Variants in OR4C13 observed in about 807,000 individuals in gnomAD.
OR4C13 encodes the protein olfactory receptor 4C13.
In OR4C13, 23 loss-of-function variants were observed where a neutral mutation model predicts 14.7. The ratio of observed to expected loss-of-function variants is 1.57; its 90% CI spans 1.13 to 2.22. The LOEUF is 2.22. OR4C13 is among the 30% of genes most tolerant of loss of function. The pLI is 0.00. For synonymous variants in OR4C13, 178 were observed against 135.5 expected, an observed-to-expected ratio of 1.31 and a Z score of -2.18; for missense variants, 504 against 368.6, an observed-to-expected ratio of 1.37 and a Z score of -3.01.
chr11:49,952,656 G>A lies in OR4C13; in HGVS notation c.234G>A (p.Lys78=), dbSNP rs1475893973. The change falls in exon 1 of 1, where the codon AAG becomes AAA. Residue 78 remains lysine (K), a synonymous_variant. Transcript: ENST00000555099. ...DACYSSVNTP[K]LITDSLYENK... ...GCTATTCCTCTGTCAATACCCCTAA[G>A]CTGATCACAGATTCACTCTATGAAA... is the stretch of plus-strand genomic sequence containing the variant. 5 of 1,613,710 alleles carry A rather than the reference G, an allele frequency of 3.1e-6. No individual in the cohort carries two copies. Among genetic ancestry groups the A allele is most frequent in the South Asian group, 1.1e-5 (1 of 91,066 alleles).
In OR4C13 at chr11:49,952,916, C is replaced by A. The variant is rs571287901; in HGVS notation, c.494C>A (p.Pro165His). 6.2e-7 allele frequency: 1 copy of A among 1,613,822 alleles called. No homozygotes were observed. Among genetic ancestry groups the A allele is most frequent in the African/African-American group, 1.3e-5 (1 of 74,874 alleles). ...TIQILFICQLPFCGPNVIDHF... is the reference protein window; with the variant it reads ...TIQILFICQLHFCGPNVIDHF... ...CAGATCCTCTTCATCTGTCAATTAC[C>A]TTTCTGTGGTCCTAATGTCATAGAT... is the stretch of plus-strand genomic sequence containing the variant. Residue 165 changes from proline to histidine, a missense_variant, in exon 1 of 1, where the codon CCT becomes CAT. Coordinates refer to ENST00000555099, the MANE Select transcript of OR4C13 (RefSeq NM_001001955.2).
Position 49,952,432 on chromosome 11 carries a change from A to G in OR4C13, c.10A>G (p.Arg4Gly), listed in dbSNP as rs1555015639. MAN[R>G]NNVTEFILLG... The stretch of plus-strand genomic sequence containing the variant: ...CCATCATTTGAAATACATGGCGAAT[A>G]GAAACAATGTGACAGAGTTTATTCT... The change falls in exon 1 of 1, where the codon AGA (arginine) becomes GGA (glycine). Residue 4 changes from arginine (R) to glycine (G), a missense_variant. Transcript: ENST00000555099. 6.3e-7 allele frequency: 1 copy of G among 1,598,736 alleles called. No homozygotes were observed. Among genetic ancestry groups the G allele is most frequent in the Non-Finnish European group, 8.6e-7 (1 of 1,167,826 alleles).
At position 49,952,393 on chromosome 11, in the gene OR4C13, G is replaced by A. The variant is rs1164962896; in HGVS notation, c.-30G>A. 1.4e-5 allele frequency: 19 copies of A among 1,397,298 alleles called. No homozygotes were observed. Among genetic ancestry groups the A allele is most frequent in the Non-Finnish European group, 1.9e-5 (19 of 998,356 alleles). 86.6% of individuals were successfully genotyped at this position (1,397,298 alleles called of 1,614,324 possible). A position where few individuals can be genotyped will look rare whatever the true frequency, so the allele number is the denominator to read the frequency against. Reference sequence around the variant, plus strand: ...ATTAATAAAAATTGTTTTCTTTTCAGGTAATGTAATTAACCATCATTTGAA... The same window carrying A: ...ATTAATAAAAATTGTTTTCTTTTCAAGTAATGTAATTAACCATCATTTGAA... On this transcript the variant is annotated 5_prime_UTR_variant, in exon 1 of 1. Transcript: ENST00000555099.
Position 49,953,372 on chromosome 11 carries a change from T to A in OR4C13, c.*20T>A, listed in dbSNP as rs192606387. 7.3e-4 allele frequency: 940 copies of A among 1,291,288 alleles called. 8 individuals carry two copies. The African/African-American group carries it at 0.013, about 17-fold the overall frequency. 80.0% of individuals were successfully genotyped at this position (1,291,288 alleles called of 1,614,324 possible). A position where few individuals can be genotyped will look rare whatever the true frequency, so the allele number is the denominator to read the frequency against. Reference sequence around the variant, plus strand: ...AAATAAATGTGACTGGAGCCCAACATGATTCAGCTGAGGCAAGGGTCAAAA... The same window carrying A: ...AAATAAATGTGACTGGAGCCCAACAAGATTCAGCTGAGGCAAGGGTCAAAA... On this transcript the variant is annotated 3_prime_UTR_variant, in exon 1 of 1. Transcript: ENST00000555099.
chr11:49,953,069 G>A lies in OR4C13; in HGVS notation c.647G>A (p.Cys216Tyr), dbSNP rs781948025. 20 of 1,613,766 alleles carry A rather than the reference G, an allele frequency of 1.2e-5. No homozygotes were observed. The highest frequency in any genetic ancestry group is 9.9e-5 in the South Asian group (9 of 91,064). ...LLNCLLLLVS[C>Y]VVILYSLKTH... ...AACTGTCTCTTGCTCCTGGTCTCCT[G>A]CGTGGTCATACTGTACTCCTTAAAG... The change falls in exon 1 of 1, where the codon TGC (cysteine) becomes TAC (tyrosine). Residue 216 changes from cysteine (C) to tyrosine (Y), a missense_variant. Physicochemically the swap from Cys to Tyr is radical, Grantham distance 194. Transcript: ENST00000555099.
rs541814125 is a variant in OR4C13, at chr11:49,952,650, C to G, written c.228C>G (p.Thr76=). Residue 76 remains threonine, a synonymous_variant, in exon 1 of 1, where the codon ACC becomes ACG. Coordinates refer to ENST00000555099, the MANE Select transcript of OR4C13 (RefSeq NM_001001955.2). ...FIDACYSSVN[T]PKLITDSLYE... Reference sequence around the variant, plus strand: ...ATGCCTGCTATTCCTCTGTCAATACCCCTAAGCTGATCACAGATTCACTCT... The same window carrying G: ...ATGCCTGCTATTCCTCTGTCAATACGCCTAAGCTGATCACAGATTCACTCT... 10 of 1,613,530 alleles carry G rather than the reference C, an allele frequency of 6.2e-6. No individual in the cohort carries two copies. In the South Asian group the frequency reaches 6.6e-5, roughly 11 times the overall value.
Position 49,952,418 on chromosome 11 carries a change from A to G in OR4C13, c.-5A>G. 3 of 1,577,890 alleles carry G rather than the reference A, an allele frequency of 1.9e-6. No individual in the cohort carries two copies. The East Asian group carries it at 6.7e-5, about 35-fold the overall frequency. On this transcript the variant is annotated 5_prime_UTR_variant, in exon 1 of 1. Transcript: ENST00000555099. ...GGTAATGTAATTAACCATCATTTGAAATACATGGCGAATAGAAACAATGTG... is the reference window on the plus strand; with the variant it reads ...GGTAATGTAATTAACCATCATTTGAGATACATGGCGAATAGAAACAATGTG...
At position 49,953,028 on chromosome 11, in the gene OR4C13, G is replaced by T; in HGVS notation, c.606G>T (p.Gly202=). The T allele has an allele frequency of 6.2e-7, 1 of 1,613,816 alleles. No individual in the cohort carries two copies. The highest frequency in any genetic ancestry group is 2.2e-5 in the East Asian group (1 of 44,866). ...TLGLFIAANS[G]FICLLNCLLL... ...GACTCTTCATTGCTGCCAACAGTGG[G>T]TTCATATGCCTGTTAAACTGTCTCT... is the stretch of plus-strand genomic sequence containing the variant. Residue 202 remains glycine, a synonymous_variant, in exon 1 of 1, where the codon GGG becomes GGT. Coordinates refer to ENST00000555099, the MANE Select transcript of OR4C13 (RefSeq NM_001001955.2).
Position 49,952,598 on chromosome 11 carries a change from T to A in OR4C13, c.176T>A (p.Phe59Tyr). The A allele has an allele frequency of 6.2e-7, 1 of 1,613,878 alleles. No homozygotes were observed. Among genetic ancestry groups the A allele is most frequent in the East Asian group, 2.2e-5 (1 of 44,878 alleles). Reference sequence around the variant, plus strand: ...CCATCACTGAGATCCCCCATGTACTTTTTCCTGGCCTATCTCTCCTTTATT... The same window carrying A: ...CCATCACTGAGATCCCCCATGTACTATTTCCTGGCCTATCTCTCCTTTATT... ...ASPSLRSPMY[F>Y]FLAYLSFIDA... The change falls in exon 1 of 1, where the codon TTT (phenylalanine) becomes TAT (tyrosine). Residue 59 changes from phenylalanine (F) to tyrosine (Y), a missense_variant. Coordinates refer to ENST00000555099, the MANE Select transcript of OR4C13 (RefSeq NM_001001955.2).
chr11:49,953,232 T>A lies in OR4C13; in HGVS notation c.810T>A (p.Ala270=). The change falls in exon 1 of 1, where the codon GCT becomes GCA. Residue 270 remains alanine (A), a synonymous_variant. Coordinates refer to ENST00000555099, the MANE Select transcript of OR4C13 (RefSeq NM_001001955.2). The stretch of plus-strand genomic sequence containing the variant: ...CTTTACCCATTGATAAAGCAGTTGC[T>A]GTATTCTACACTATGATAACTTCTA... ...PATLPIDKAV[A]VFYTMITSML... is the part of the protein sequence containing the mutation. 9 of 1,612,306 alleles carry A rather than the reference T, an allele frequency of 5.6e-6. No individual in the cohort carries two copies. The highest frequency in any genetic ancestry group is 1.3e-5 in the African/African-American group (1 of 75,006).
Position 49,952,548 on chromosome 11 carries a change from C to G in OR4C13, c.126C>G (p.Leu42=), listed in dbSNP as rs141959510. Residue 42 remains leucine, a synonymous_variant, in exon 1 of 1, where the codon CTC becomes CTG. Transcript: ENST00000555099. ...TCAACGCCATGATAGGAAATGTGCTCATTGTGGTCACCATCACTGCCAGCC... is the reference window on the plus strand; with the variant it reads ...TCAACGCCATGATAGGAAATGTGCTGATTGTGGTCACCATCACTGCCAGCC... The part of the protein sequence containing the change: ...IYINAMIGNV[L]IVVTITASPS... The G allele has an allele frequency of 2.2e-4, 351 of 1,613,660 alleles. No individual in the cohort carries two copies. Among genetic ancestry groups the G allele is most frequent in the Non-Finnish European group, 2.8e-4 (332 of 1,179,774 alleles).
chr11:49,952,590 C>A lies in OR4C13; in HGVS notation c.168C>A (p.Pro56=). Residue 56 remains proline (P), a synonymous_variant, in exon 1 of 1, where the codon CCC becomes CCA. Transcript: ENST00000555099. ...TITASPSLRS[P]MYFFLAYLSF... ...CTGCCAGCCCATCACTGAGATCCCC[C>A]ATGTACTTTTTCCTGGCCTATCTCT... 1 of 1,613,920 alleles carries A rather than the reference C, an allele frequency of 6.2e-7. No individual in the cohort carries two copies.
chr11:49,952,897 C>T lies in OR4C13; in HGVS notation c.475C>T (p.Leu159Phe). 6.2e-7 allele frequency: 1 copy of T among 1,612,098 alleles called. No homozygotes were observed. Among genetic ancestry groups the T allele is most frequent in the South Asian group, 1.1e-5 (1 of 91,028 alleles). ...CTTTCTTCATGCAACCATACAGATC[C>T]TCTTCATCTGTCAATTACCTTTCTG... ...GGFLHATIQI[L>F]FICQLPFCGP... is the part of the protein sequence containing the mutation. Residue 159 changes from leucine to phenylalanine, a missense_variant, in exon 1 of 1, where the codon CTC becomes TTC. Physicochemically the swap from Leu to Phe is conservative, Grantham distance 22. Coordinates refer to ENST00000555099, the MANE Select transcript of OR4C13 (RefSeq NM_001001955.2).
At position 49,952,536 on chromosome 11, in the gene OR4C13, A is replaced by G; in HGVS notation, c.114A>G (p.Ile38Met). 6.2e-7 allele frequency: 1 copy of G among 1,613,818 alleles called. No homozygotes were observed. Among genetic ancestry groups the G allele is most frequent in the Non-Finnish European group, 8.5e-7 (1 of 1,179,732 alleles). The change falls in exon 1 of 1, where the codon ATA (isoleucine) becomes ATG (methionine). Residue 38 changes from isoleucine (I) to methionine (M), a missense_variant. Ile to Met is a conservative substitution (Grantham distance 10). Transcript: ENST00000555099. ...VFSVIYINAM[I>M]GNVLIVVTIT... The stretch of plus-strand genomic sequence containing the variant: ...CTGTCATCTACATCAACGCCATGAT[A>G]GGAAATGTGCTCATTGTGGTCACCA...
chr11:49,953,273 T>A lies in OR4C13; in HGVS notation c.851T>A (p.Ile284Asn). The change falls in exon 1 of 1, where the codon ATC becomes AAC. Residue 284 changes from isoleucine to asparagine, a missense_variant. Coordinates refer to ENST00000555099, the MANE Select transcript of OR4C13 (RefSeq NM_001001955.2). Reference sequence around the variant, plus strand: ...ATAACTTCTATGTTAAACCCCTTAATCTACACCTTGAGGAATGCTCAAATG... The same window carrying A: ...ATAACTTCTATGTTAAACCCCTTAAACTACACCTTGAGGAATGCTCAAATG... Reference protein sequence around the residue: ...TMITSMLNPLIYTLRNAQMKN... With the variant: ...TMITSMLNPLNYTLRNAQMKN... The A allele has an allele frequency of 6.2e-7, 1 of 1,611,620 alleles. No homozygotes were observed. Among genetic ancestry groups the A allele is most frequent in the Non-Finnish European group, 8.5e-7 (1 of 1,179,372 alleles).
rs192606387 is a variant in OR4C13, at chr11:49,953,372, T to C, written c.*20T>C. On this transcript the variant is annotated 3_prime_UTR_variant, in exon 1 of 1. Coordinates refer to ENST00000555099, the MANE Select transcript of OR4C13 (RefSeq NM_001001955.2). Reference sequence around the variant, plus strand: ...AAATAAATGTGACTGGAGCCCAACATGATTCAGCTGAGGCAAGGGTCAAAA... The same window carrying C: ...AAATAAATGTGACTGGAGCCCAACACGATTCAGCTGAGGCAAGGGTCAAAA... 7.7e-7 allele frequency: 1 copy of C among 1,291,296 alleles called. No homozygotes were observed. The allele number at this position is 1,291,296 out of a possible 1,614,324, so 80.0% of individuals were successfully genotyped here.
In OR4C13 at chr11:49,952,448, A is replaced by G. The variant is rs1555015644; in HGVS notation, c.26A>G (p.Glu9Gly). The change falls in exon 1 of 1, where the codon GAG becomes GGG. Residue 9 changes from glutamate to glycine, a missense_variant. Transcript: ENST00000555099. ...ATGGCGAATAGAAACAATGTGACAG[A>G]GTTTATTCTATTGGGGCTTACAGAG... The part of the protein sequence containing the change: MANRNNVT[E>G]FILLGLTENP... 4 of 1,611,122 alleles carry G rather than the reference A, an allele frequency of 2.5e-6. No individual in the cohort carries two copies. Among genetic ancestry groups the G allele is most frequent in the East Asian group, 2.2e-5 (1 of 44,848 alleles).
Position 49,952,641 on chromosome 11 carries a change from T to G in OR4C13, c.219T>G (p.Ser73=), listed in dbSNP as rs782031053. The change falls in exon 1 of 1, where the codon TCT becomes TCG. Residue 73 remains serine, a synonymous_variant. Coordinates refer to ENST00000555099, the MANE Select transcript of OR4C13 (RefSeq NM_001001955.2). ...YLSFIDACYS[S]VNTPKLITDS... ...CCTTTATTGATGCCTGCTATTCCTC[T>G]GTCAATACCCCTAAGCTGATCACAG... is the stretch of plus-strand genomic sequence containing the variant. 1 of 1,613,710 alleles carries G rather than the reference T, an allele frequency of 6.2e-7. No individual in the cohort carries two copies. Among genetic ancestry groups the G allele is most frequent in the African/African-American group, 1.3e-5 (1 of 75,036 alleles).
Position 49,953,340 on chromosome 11 carries a change from A to G in OR4C13, c.918A>G (p.Ser306=), listed in dbSNP as rs1388525475. ...IRKLCSRKAI[S]SVK ...AATTGTGTAGTAGGAAAGCTATTTC[A>G]AGTGTCAAATAAATGTGACTGGAGC... Residue 306 remains serine (S), a synonymous_variant, in exon 1 of 1, where the codon TCA becomes TCG. Transcript: ENST00000555099. 2 of 1,556,666 alleles carry G rather than the reference A, an allele frequency of 1.3e-6. No homozygotes were observed. The highest frequency in any genetic ancestry group is 1.7e-6 in the Non-Finnish European group (2 of 1,149,320).
Sources: allele counts gnomAD v4.1 joint callset, GRCh38; gene constraint gnomAD v4.1.1; transcripts MANE v1.5; gene names NCBI Gene and HGNC (gene_info 2026-07-23, HGNC 2026-07-21).